The following NPTN variants were observed in gnomAD, a reference collection of about 807,000 sequenced individuals.
NPTN encodes the protein neuroplastin.
NPTN carries 5 observed loss-of-function variants against 42.7 expected under a neutral mutation model. The observed-to-expected ratio is 0.12, with a 90% CI of 0.06 to 0.25. The LOEUF (loss-of-function observed/expected upper bound fraction) is 0.25. NPTN is among the 10% of genes least tolerant of loss of function. The pLI is 1.00. For missense variants in NPTN, 307 were observed against 525.4 expected (o/e 0.58, Z 4.06); for synonymous variants, 180 against 201.9 (o/e 0.89, Z 0.92).
intron 4 of NPTN, among the ~76,000 whole-genome samples, chr15:73,584,764 T>TA (rs55815192): frequency 0.092 from 11,316 of 122,830 alleles, 653 homozygotes; most frequent in African/African-American, 0.17. Context: ...TTGTGTCCTT[T>TA]AAAAAAAAAA....
intron 1 of NPTN, among the ~76,000 whole-genome samples, chr15:73,625,855 T>A (rs999872734): frequency 8.6e-5 from 13 of 150,404 alleles, no homozygotes; most frequent in African/African-American, 3.1e-4. Flanking sequence ...TTTTTGTACA[T>A]GTTTGAAATT....
intron 4 of NPTN, among the ~76,000 whole-genome samples, chr15:73,580,975 G>T (rs146336517): frequency 2.4e-3 from 362 of 152,242 alleles, no homozygotes; most frequent in Middle Eastern, 0.014. Context: ...GAGGTCTTGT[G>T]AGGATTAAAT....
chr15:73,574,194 T>C (rs1485250280), intron 4 of NPTN, among the ~76,000 whole-genome samples: 2 of 152,256 alleles, frequency 1.3e-5, no homozygotes, highest in African/African-American at 4.8e-5. Flanking sequence ...TTATGCATCC[T>C]GTCAAATATC....
At chr15:73,578,899 G>A (rs150981059) in intron 4 of NPTN, among the ~76,000 whole-genome samples, 7,634 of 147,076 alleles carry the variant, frequency 0.052, 203 homozygotes, top group South Asian at 0.095. Context: ...AGGCTGAGGC[G>A]AGAGAATCGC....
At chr15:73,572,382 TGA>T (rs1895457710) in intron 5 of NPTN, among the ~76,000 whole-genome samples, 1 of 152,148 alleles carries the variant, frequency 6.6e-6, no homozygotes, top group Admixed American at 6.5e-5. Flanking sequence ...ACAATCATAA[TGA>T]GAGAGAAAGT....
At chr15:73,573,011 T>C (rs1895496821) in intron 5 of NPTN, among the ~76,000 whole-genome samples, 1 of 152,194 alleles carries the variant, frequency 6.6e-6, no homozygotes, top group Admixed American at 6.5e-5. Context: ...TCCAGCCACC[T>C]AGGACCTGCC....
At chr15:73,572,113 T>C (rs535528052) in intron 5 of NPTN, among the ~76,000 whole-genome samples, 6 of 152,206 alleles carry the variant, frequency 3.9e-5, no homozygotes, top group Non-Finnish European at 4.4e-5. Flanking sequence ...ATCGCTGATG[T>C]TGGAGTCATT....
In NPTN at chr15:73,569,445, A is replaced by G; in HGVS notation, c.1114+705T>C. On this transcript the variant is annotated intron_variant, in intron 6 of 8. Coordinates refer to ENST00000345330, the MANE Select transcript of NPTN (RefSeq NM_012428.4). The surrounding 1 kb of genome is among the most constrained non-coding windows in gnomAD (Gnocchi z 4.1). ...CCTTCTCTGACCCTAGGCCAGCTTG[A>G]GGGCACAGCCTCGGGGCATGGACTC... 1.0e-6 allele frequency: 1 copy of G among 985,408 alleles called. No individual in the cohort carries two copies. The highest frequency in any genetic ancestry group is 1.7e-5 in the African/African-American group (1 of 57,350). The allele number at this position is 985,408 out of a possible 1,614,324, so 61.0% of individuals were successfully genotyped here. A position where few individuals can be genotyped will look rare whatever the true frequency, so the allele number is the denominator to read the frequency against.
chr15:73,576,145 G>C (rs1895683439), intron 4 of NPTN, among the ~76,000 whole-genome samples: 1 of 152,286 alleles, frequency 6.6e-6, no homozygotes, highest in African/African-American at 2.4e-5. Context: ...ATGCCCGAAG[G>C]GTTACCATGT....
At chr15:73,617,643 T>C (rs1897925516) in intron 1 of NPTN, among the ~76,000 whole-genome samples, 2 of 152,240 alleles carry the variant, frequency 1.3e-5, no homozygotes, top group South Asian at 2.1e-4. Flanking sequence ...CACAATTCTT[T>C]AGTTCTTTCT....
chr15:73,629,507 A>T (rs931813149), intron 1 of NPTN, among the ~76,000 whole-genome samples: 22 of 152,122 alleles, frequency 1.4e-4, no homozygotes, highest in African/African-American at 5.3e-4. Context: ...AAGATCCATG[A>T]ATCATCTAAT....
intron 1 of NPTN, among the ~76,000 whole-genome samples, chr15:73,620,425 T>C (rs1318638224): frequency 6.6e-6 from 1 of 152,178 alleles, no homozygotes; most frequent in Non-Finnish European, 1.5e-5. Context: ...CTGCCTTTTA[T>C]AGGGCATTTT....
intron 1 of NPTN, among the ~76,000 whole-genome samples, chr15:73,613,543 T>C (rs1349160991): frequency 6.6e-6 from 1 of 152,162 alleles, no homozygotes; most frequent in Non-Finnish European, 1.5e-5. Flanking sequence ...CAGATTATCA[T>C]ATTTAGTAAA....
At chr15:73,573,411 A>G (rs1895516307) in intron 5 of NPTN, among the ~76,000 whole-genome samples, 2 of 152,202 alleles carry the variant, frequency 1.3e-5, no homozygotes, top group Non-Finnish European at 2.9e-5. Flanking sequence ...CAAAGTGAGA[A>G]TGGACTAATA....
At position 73,633,355 on chromosome 15, in the gene NPTN, C is replaced by T. The variant is rs570519227; in HGVS notation, c.-140G>A. The stretch of plus-strand genomic sequence containing the variant: ...AGCCGCGGCTCGGCTCCGTCCTTCC[C>T]CGTCCTCCTCCTGCCGCCGCAGCGC... On this transcript the variant is annotated 5_prime_UTR_variant, in exon 1 of 9. Transcript: ENST00000345330. 246 of 558,366 alleles carry T rather than the reference C, an allele frequency of 4.4e-4. 1 individual carries two copies. Among genetic ancestry groups the T allele is most frequent in the South Asian group, 1.8e-3 (47 of 26,770 alleles). The allele number at this position is 558,366 out of a possible 1,614,324, so 34.6% of individuals were successfully genotyped here.
At chr15:73,592,662 T>C (rs755395658) in intron 2 of NPTN, among the ~76,000 whole-genome samples, 11 of 152,168 alleles carry the variant, frequency 7.2e-5, no homozygotes, top group East Asian at 1.9e-4. Flanking sequence ...GAAAAAGACA[T>C]TGTGGATTCT....
At chr15:73,609,393 G>A (rs1265478496) in intron 1 of NPTN, among the ~76,000 whole-genome samples, 1 of 152,180 alleles carries the variant, frequency 6.6e-6, no homozygotes, top group Non-Finnish European at 1.5e-5. Context: ...CGCTTTGGGA[G>A]GCCAAGGCAG....
At chr15:73,564,595 TACAGAGA>T (rs1855653022) in intron 6 of NPTN, among the ~76,000 whole-genome samples, 2 of 151,988 alleles carry the variant, frequency 1.3e-5, no homozygotes, top group African/African-American at 4.8e-5. Flanking sequence ...ATCAAACGGG[TACAGAGA>T]ACAAACTAAG....
chr15:73,571,098 A>C (rs923576074), intron 5 of NPTN, among the ~76,000 whole-genome samples: 1 of 151,998 alleles, frequency 6.6e-6, no homozygotes, highest in African/African-American at 2.4e-5. Flanking sequence ...CTTGGCAACA[A>C]ACTGAGACCC....
Sources: allele counts gnomAD v4.1 joint callset (sites outside exome capture counted in the v4.1 genomes callset), GRCh38; gene constraint gnomAD v4.1.1; non-coding constraint Gnocchi (gnomAD v3.1); transcripts MANE v1.5; gene names NCBI Gene and HGNC (gene_info 2026-07-23, HGNC 2026-07-21).